TAMM41: variants seen among roughly 807,000 people sequenced by gnomAD.
The protein encoded by TAMM41 is TAM41 mitochondrial translocator assembly and maintenance homolog, also known as phosphatidate cytidylyltransferase, mitochondrial.
In TAMM41, 36 loss-of-function variants were observed where a neutral mutation model predicts 44.1. The ratio of observed to expected loss-of-function variants is 0.82; its 90% CI spans 0.63 to 1.08. TAMM41 has a LOEUF of 1.08. Ranked by LOEUF, TAMM41 falls within the 50% of genes least tolerant of loss-of-function variation. The pLI is 0.00. For missense variants in TAMM41, 417 were observed against 404.3 expected, an observed-to-expected ratio of 1.03 and a Z score of -0.27; for synonymous variants, 164 against 153.1, an observed-to-expected ratio of 1.07 and a Z score of -0.53.
chr3:11,846,772 G>A lies in TAMM41; in HGVS notation c.-136C>T. On this transcript the variant is annotated 5_prime_UTR_variant, in exon 1 of 8. Transcript: ENST00000455809. ...CGAGGGACACAAGGCTGAGTGTGGG[G>A]TGGGACTGCAAGCACACGCAAGGAT... 8.6e-7 allele frequency: 1 copy of A among 1,156,974 alleles called. No individual in the cohort carries two copies. The highest frequency in any genetic ancestry group is 1.2e-6 in the Non-Finnish European group (1 of 812,264). 71.7% of individuals were successfully genotyped at this position (1,156,974 alleles called of 1,614,324 possible). A position where few individuals can be genotyped will look rare whatever the true frequency, so the allele number is the denominator to read the frequency against.
chr3:11,786,862 G>C (rs1314857437), downstream of TAMM41, among the ~76,000 whole-genome samples: 1 of 152,160 alleles, frequency 6.6e-6, no homozygotes, highest in Non-Finnish European at 1.5e-5. Context: ...CCAAAGTGCT[G>C]GGATTACACG....
At chr3:11,779,503 T>C in the TAMM41 span, among the ~76,000 whole-genome samples, 1 of 152,102 alleles carries the variant, frequency 6.6e-6, no homozygotes, top group Admixed American at 6.6e-5. Context: ...AACATGAGAT[T>C]TGGAGGGGAC....
At chr3:11,764,486 C>CTTTTTTTTTTTTTTTTTTTTT in the TAMM41 span, among the ~76,000 whole-genome samples, 57 of 68,140 alleles carry the variant, frequency 8.4e-4, 5 homozygotes, top group African/African-American at 3.0e-3. Flanking sequence ...TAATCTTATT[C>CTTTTTTTTTTTTTTTTTTTTT]TTTTTTTTTT....
At chr3:11,766,305 C>A in the TAMM41 span, among the ~76,000 whole-genome samples, 1 of 151,952 alleles carries the variant, frequency 6.6e-6, no homozygotes, top group Non-Finnish European at 1.5e-5. Flanking sequence ...GCTGGGGCTA[C>A]AGGCATGCAC....
At chr3:11,743,177 G>T in the TAMM41 span, among the ~76,000 whole-genome samples, 1 of 152,064 alleles carries the variant, frequency 6.6e-6, no homozygotes, top group Non-Finnish European at 1.5e-5. Context: ...TGTCCATGTC[G>T]CTGAAGCCAG....
downstream of TAMM41, among the ~76,000 whole-genome samples, chr3:11,786,747 T>C (rs1216932624): frequency 1.3e-5 from 2 of 152,122 alleles, no homozygotes; most frequent in Non-Finnish European, 2.9e-5. Flanking sequence ...GCTACAGGTG[T>C]GTGCTACCAT....
At chr3:11,839,524 G>GT (rs375760304) in intron 2 of TAMM41, among the ~76,000 whole-genome samples, 189 of 152,332 alleles carry the variant, frequency 1.2e-3, no homozygotes, top group African/African-American at 4.3e-3. Context: ...CCTAGGGTAT[G>GT]TAAGGGGAGG....
chr3:11,734,212 C>A, the TAMM41 span, among the ~76,000 whole-genome samples: 1 of 152,068 alleles, frequency 6.6e-6, no homozygotes, highest in Non-Finnish European at 1.5e-5. Flanking sequence ...GCGAGGCACC[C>A]GGGATGACAA....
At chr3:11,725,742 A>T in the TAMM41 span, among the ~76,000 whole-genome samples, 2 of 151,834 alleles carry the variant, frequency 1.3e-5, no homozygotes. Context: ...GCCCAGCCTG[A>T]CTCTTCCCTT....
the TAMM41 span, among the ~76,000 whole-genome samples, chr3:11,725,698 T>A: frequency 2.6e-5 from 4 of 152,172 alleles, no homozygotes; most frequent in South Asian, 8.3e-4. Context: ...CCTCAGCTTC[T>A]TAAAGTGCTG....
chr3:11,805,244 T>C (rs6800345), intron 7 of TAMM41, among the ~76,000 whole-genome samples: 27,645 of 151,662 alleles, frequency 0.18, 5,815 homozygotes, highest in East Asian at 0.48. Flanking sequence ...TCGGGCAATC[T>C]GCCTGTCTCG....
chr3:11,733,658 C>G, the TAMM41 span, among the ~76,000 whole-genome samples: 11 of 151,608 alleles, frequency 7.3e-5, no homozygotes, highest in South Asian at 6.2e-4. Context: ...ACACCGGGCT[C>G]ATTTTTTTTC....
chr3:11,794,097 G>A (rs191240791), intron 7 of TAMM41, among the ~76,000 whole-genome samples: 1 of 151,744 alleles, frequency 6.6e-6, no homozygotes, highest in Non-Finnish European at 1.5e-5. Context: ...CCCTCACAGA[G>A]TCCACAATCC....
chr3:11,752,722 C>T, the TAMM41 span, among the ~76,000 whole-genome samples: 2 of 146,854 alleles, frequency 1.4e-5, no homozygotes, highest in African/African-American at 2.5e-5. Flanking sequence ...TCACTGCAGC[C>T]TCCAATTGCT....
At position 11,790,697 on chromosome 3, in the gene TAMM41, C is replaced by T. The variant is rs114377610; in HGVS notation, c.938-116G>A. 5.3e-4 allele frequency: 452 copies of T among 859,590 alleles called. 4 individuals carry two copies. In the African/African-American group the frequency reaches 6.7e-3, roughly 13 times the overall value. 53.2% of individuals were successfully genotyped at this position (859,590 alleles called of 1,614,324 possible). A position where few individuals can be genotyped will look rare whatever the true frequency, so the allele number is the denominator to read the frequency against. On this transcript the variant is annotated intron_variant, in intron 7 of 7. Coordinates refer to ENST00000455809, the MANE Select transcript of TAMM41 (RefSeq NM_001284401.2). ...GGAGGAGGGCAGTGAGGGGCTGACC[C>T]GTGGCTCTAGGAGACCAGGGAGCTG...
At chr3:11,749,871 G>C in the TAMM41 span, among the ~76,000 whole-genome samples, 1 of 151,594 alleles carries the variant, frequency 6.6e-6, no homozygotes, top group Non-Finnish European at 1.5e-5. Flanking sequence ...TGAACCAAAG[G>C]CTTCATGGAG....
At chr3:11,766,973 C>A in the TAMM41 span, among the ~76,000 whole-genome samples, 3 of 152,096 alleles carry the variant, frequency 2.0e-5, no homozygotes, top group African/African-American at 7.2e-5. Context: ...TTACCCAGTT[C>A]CCCCCACTGG....
the TAMM41 span, among the ~76,000 whole-genome samples, chr3:11,725,425 T>TCTTTCCTAC: frequency 1.5e-5 from 1 of 68,110 alleles, no homozygotes; most frequent in Non-Finnish European, 2.9e-5. Flanking sequence ...TTCTTCTTCT[T>TCTTTCCTAC]TCCTCCTCCT....
At chr3:11,818,654 T>G (rs2078381158) in intron 4 of TAMM41, among the ~76,000 whole-genome samples, 1 of 152,088 alleles carries the variant, frequency 6.6e-6, no homozygotes, top group African/African-American at 2.4e-5. Context: ...CCCAGCACTT[T>G]GGGAAGCCGA....
Sources: gnomAD v4.1 joint callset for allele counts (sites outside exome capture counted in the v4.1 genomes callset) on GRCh38, gnomAD v4.1.1 for gene constraint, MANE v1.5 for transcripts, NCBI Gene and HGNC (gene_info 2026-07-23, HGNC 2026-07-21) for gene names.